PRRC2C: variants seen among roughly 807,000 people sequenced by gnomAD.
The protein encoded by PRRC2C is protein PRRC2C.
A neutral mutation model predicts 317.2 loss-of-function variants in PRRC2C; 72 were observed. The ratio of observed to expected loss-of-function variants is 0.23; its 90% CI spans 0.19 to 0.28. PRRC2C has a LOEUF of 0.28. Ranked by LOEUF, PRRC2C falls within the 10% of genes least tolerant of loss-of-function variation. The pLI is 1.00. For missense variants in PRRC2C, 3,074 were observed against 3,459.7 expected, an observed-to-expected ratio of 0.89 and a Z score of 2.80; for synonymous variants, 1,296 against 1,205.9, an observed-to-expected ratio of 1.07 and a Z score of -1.55.
intron 30 of PRRC2C, among the ~76,000 whole-genome samples, chr1:171,584,894 C>A (rs1412369101): frequency 2.6e-5 from 4 of 152,280 alleles, no homozygotes; most frequent in Admixed American, 6.5e-5. Flanking sequence ...ACCGCAGCCT[C>A]CTGTGTAGCT....
rs1408082078 is a variant in PRRC2C at position 171,586,929 on chromosome 1, T to C, written c.7750-74T>C. 4.6e-6 allele frequency: 5 copies of C among 1,096,742 alleles called. 1 individual carries two copies. The highest frequency in any genetic ancestry group is 6.7e-6 in the Non-Finnish European group (5 of 750,822). 67.9% of individuals were successfully genotyped at this position (1,096,742 alleles called of 1,614,324 possible). A position where few individuals can be genotyped will look rare whatever the true frequency, so the allele number is the denominator to read the frequency against. Reference sequence around the variant, plus strand: ...TCTTACTCAAAAGTATTTGAAGAGTTGTGTATAGTTGTATGGATATGTCTG... The same window carrying C: ...TCTTACTCAAAAGTATTTGAAGAGTCGTGTATAGTTGTATGGATATGTCTG... On this transcript the variant is annotated intron_variant, in intron 30 of 34. Coordinates refer to ENST00000647382, the MANE Select transcript of PRRC2C (RefSeq NM_001387844.1).
At chr1:171,487,733 T>C (rs996011566) in intron 1 of PRRC2C, among the ~76,000 whole-genome samples, 8 of 152,212 alleles carry the variant, frequency 5.3e-5, no homozygotes, top group Non-Finnish European at 1.2e-4. Flanking sequence ...AAAGGGCTTA[T>C]TACTATGCTT....
chr1:171,537,965 A>G (rs1677156525), intron 15 of PRRC2C, among the ~76,000 whole-genome samples: 2 of 151,984 alleles, frequency 1.3e-5, no homozygotes, highest in South Asian at 2.1e-4. Flanking sequence ...CAGTGGCGCG[A>G]TCTCAGCTCA....
intron 20 of PRRC2C, among the ~76,000 whole-genome samples, chr1:171,563,128 A>G (rs1252687506): frequency 6.6e-6 from 1 of 152,140 alleles, no homozygotes; most frequent in Non-Finnish European, 1.5e-5. Flanking sequence ...GAAAGCCTGG[A>G]TGAAAGAGTG....
intron 6 of PRRC2C, among the ~76,000 whole-genome samples, chr1:171,518,342 T>C (rs1672775091): frequency 1.3e-5 from 2 of 152,146 alleles, no homozygotes; most frequent in Admixed American, 6.5e-5. Context: ...TTAAAATGTT[T>C]TCCTGAGAGG....
chr1:171,557,562 T>C lies in PRRC2C; in HGVS notation c.5450T>C (p.Val1817Ala), dbSNP rs1557997473. 3.2e-6 allele frequency: 5 copies of C among 1,550,660 alleles called. No individual in the cohort carries two copies. The highest frequency in any genetic ancestry group is 4.4e-6 in the Non-Finnish European group (5 of 1,146,818). The change falls in exon 19 of 35, where the codon GTC (valine) becomes GCC (alanine). Residue 1817 changes from valine to alanine, a missense_variant. This residue lies in a region of PRRC2C where 640 missense variants were observed against 676.1 expected (regional missense o/e 0.95). Transcript: ENST00000647382. ...GCTCCAGTTTCAGCCTCAGCCTCAG[T>C]CTCAGCTTCAGTTCCAGCCTCTACT... ...PLAPVSASAS[V>A]SASVPASTSA...
intron 1 of PRRC2C, among the ~76,000 whole-genome samples, chr1:171,496,761 G>A (rs994192742): frequency 1.4e-5 from 2 of 141,240 alleles, no homozygotes; most frequent in African/African-American, 5.3e-5. Flanking sequence ...GCAGCAAATC[G>A]ATACATTTGG....
intron 24 of PRRC2C, among the ~76,000 whole-genome samples, chr1:171,574,000 C>T (rs910815974): frequency 4.0e-5 from 6 of 151,770 alleles, no homozygotes; most frequent in Non-Finnish European, 7.4e-5. Context: ...ATTCTTATAA[C>T]CAAAATAAAA....
chr1:171,579,782 T>C, intron 27 of PRRC2C, 46 bp from the exon 28 acceptor site: 1 of 1,491,036 alleles, frequency 6.7e-7, no homozygotes, highest in Non-Finnish European at 8.9e-7. Context: ...GATTTATCTG[T>C]ATGATGTTGA....
intron 10 of PRRC2C, 52 bp from the exon 11 acceptor site, chr1:171,527,739 G>A (rs1674912313): frequency 1.3e-6 from 2 of 1,482,134 alleles, no homozygotes; most frequent in Admixed American, 3.9e-5. Flanking sequence ...ATGGGCAACA[G>A]AGCAAGACTG....
chr1:171,588,701 A>G (rs551873200), intron 33 of PRRC2C, among the ~76,000 whole-genome samples, 196 bp downstream of exon 33: 1 of 152,352 alleles, frequency 6.6e-6, no homozygotes, highest in East Asian at 1.9e-4. Flanking sequence ...GTTTAGTTCT[A>G]AAGCAGACAA....
In PRRC2C at chr1:171,505,547, ATTT is replaced by A. The variant is rs111693644; in HGVS notation, c.-57-6478_-57-6476del. 1.1e-3 allele frequency among the ~76,000 whole-genome samples: 170 copies of A among 151,484 alleles called. 1 individual carries two copies. The highest frequency in any genetic ancestry group is 2.0e-3 in the Non-Finnish European group (138 of 67,826). ...TTTTACTTTATCCCTTCCAATTTGA[ATTT>A]TTTTTTGTTGTTTCTTTCTTATTTT... On this transcript the variant is annotated intron_variant, in intron 1 of 34. Transcript: ENST00000647382.
intron 10 of PRRC2C, among the ~76,000 whole-genome samples, chr1:171,526,585 G>T (rs556273491): frequency 6.6e-6 from 1 of 151,942 alleles, no homozygotes; most frequent in Non-Finnish European, 1.5e-5. Context: ...TGACCCACCC[G>T]CCTCAGCCTC....
chr1:171,543,264 A>G (rs968371303), intron 16 of PRRC2C, among the ~76,000 whole-genome samples: 5 of 151,466 alleles, frequency 3.3e-5, no homozygotes, highest in Non-Finnish European at 4.4e-5. Context: ...TGGAGCTTGC[A>G]ATGAGCCGAG....
chr1:171,494,293 G>A (rs944513240), intron 1 of PRRC2C, among the ~76,000 whole-genome samples: 6 of 152,086 alleles, frequency 3.9e-5, no homozygotes, highest in Non-Finnish European at 7.4e-5. Context: ...CAGTTTCCAG[G>A]AACAGCCTGA....
chr1:171,535,696 A>C, intron 13 of PRRC2C, 99 bp downstream of exon 13: 6 of 1,330,862 alleles, frequency 4.5e-6, no homozygotes, highest in Non-Finnish European at 6.2e-6. Flanking sequence ...CGTAAAGCAC[A>C]CAAAGTTCCC....
Position 171,514,644 on chromosome 1 carries a change from T to C in PRRC2C, c.399T>C (p.Asp133=). 1 of 1,554,484 alleles carries C rather than the reference T, an allele frequency of 6.4e-7. No individual in the cohort carries two copies. Among genetic ancestry groups the C allele is most frequent in the Non-Finnish European group, 8.7e-7 (1 of 1,148,632 alleles). ...WASNKQGGQG[D]GIQVNSQFQQ... ...GTAACAAGCAAGGTGGGCAAGGAGA[T>C]GGTAAGTGGACATTAGTTGGGGAAG... Residue 133 remains aspartate, a splice_region_variant and synonymous_variant, in exon 4 of 35, where the codon GAT becomes GAC. Transcript: ENST00000647382.
intron 1 of PRRC2C, among the ~76,000 whole-genome samples, chr1:171,492,678 G>A (rs974498790): frequency 5.9e-5 from 9 of 152,158 alleles, no homozygotes; most frequent in Admixed American, 3.9e-4. Flanking sequence ...CTCCGGCCTG[G>A]ACAACATTAA....
At position 171,592,235 on chromosome 1, in the gene PRRC2C, T is replaced by G. The variant is rs545535852; in HGVS notation, c.*388T>G. Reference sequence around the variant, plus strand: ...TAGCTCAGCCTGAACAGTGTGATGGTCCCAGCTACTACATCAGATGCGGTT... The same window carrying G: ...TAGCTCAGCCTGAACAGTGTGATGGGCCCAGCTACTACATCAGATGCGGTT... On this transcript the variant is annotated 3_prime_UTR_variant, in exon 35 of 35. Transcript: ENST00000647382. The G allele has an allele frequency of 1.8e-4, 29 of 165,616 alleles. No individual in the cohort carries two copies. Among genetic ancestry groups the G allele is most frequent in the Non-Finnish European group, 3.0e-4 (23 of 76,926 alleles). 10.3% of individuals were successfully genotyped at this position (165,616 alleles called of 1,614,324 possible).
Sources: gnomAD v4.1 joint callset for allele counts (sites outside exome capture counted in the v4.1 genomes callset) on GRCh38, gnomAD v4.1.1 for gene constraint, gnomAD v4.1.1 regional missense constraint, MANE v1.5 for transcripts, NCBI Gene and HGNC (gene_info 2026-07-23, HGNC 2026-07-21) for gene names.